Variants in GPR158 observed in about 807,000 individuals in gnomAD.
The protein encoded by GPR158 is G protein-coupled receptor 158.
Under a neutral mutation model 78.2 loss-of-function variants are expected in GPR158, and 30 were observed. The ratio of observed to expected loss-of-function variants is 0.38; its 90% CI spans 0.29 to 0.52. GPR158 has a LOEUF of 0.52. GPR158 is among the 20% of genes least tolerant of loss of function. GPR158 has a pLI of 0.83. For missense variants in GPR158, 1,463 were observed against 1,523.5 expected, an observed-to-expected ratio of 0.96 and a Z score of 0.66; for synonymous variants, 581 against 591.1, an observed-to-expected ratio of 0.98 and a Z score of 0.25.
At chr10:25,365,553 T>G (rs901683341) in intron 2 of GPR158, among the ~76,000 whole-genome samples, 2 of 151,686 alleles carry the variant, frequency 1.3e-5, no homozygotes, top group African/African-American at 4.8e-5. Context: ...TATAATCACT[T>G]TTAATATCCA....
chr10:25,208,558 TTGTGTGTGTGTGTGTGTGTG>T (rs71399956), intron 1 of GPR158, among the ~76,000 whole-genome samples: 18 of 135,248 alleles, frequency 1.3e-4, no homozygotes, highest in East Asian at 4.4e-4. Flanking sequence ...CTATGTGAAT[TTGTGTGTGTGTGTGTGTGTG>T]TGTGTGTGTG....
At position 25,528,333 on chromosome 10, in the gene GPR158, A is replaced by G. The variant is rs953073769; in HGVS notation, c.1405-22643A>G. On this transcript the variant is annotated intron_variant, in intron 5 of 10. Coordinates refer to ENST00000376351, the MANE Select transcript of GPR158 (RefSeq NM_020752.3). ...ATTAGAAAATTGGATCTATATATAT[A>G]TAGATATATAGAGAGAGATCCAAGC... 1.6e-4 allele frequency among the ~76,000 whole-genome samples: 24 copies of G among 152,114 alleles called. 1 individual carries two copies. The highest frequency in any genetic ancestry group is 3.4e-3 in the Middle Eastern group (1 of 294).
chr10:25,264,883 C>T lies in GPR158; in HGVS notation c.1008+43726C>T, dbSNP rs185487558. Among the ~76,000 whole-genome samples the T allele has an allele frequency of 7.6e-4, 116 of 152,164 alleles. 1 individual carries two copies. Among genetic ancestry groups the T allele is most frequent in the African/African-American group, 2.7e-3 (113 of 41,528 alleles). ...TCTTGAAAGTAGAATTGATACTCTG[C>T]GAACTATTTTTAATATTTCTAGAAG... On this transcript the variant is annotated intron_variant, in intron 2 of 10. Coordinates refer to ENST00000376351, the MANE Select transcript of GPR158 (RefSeq NM_020752.3).
chr10:25,329,202 C>T (rs959244003), intron 2 of GPR158, among the ~76,000 whole-genome samples: 3 of 151,724 alleles, frequency 2.0e-5, no homozygotes, highest in Non-Finnish European at 4.4e-5. Flanking sequence ...TTTGGGAGGC[C>T]GAGGCGGGCA....
chr10:25,423,130 T>TATATACGTATATACGTATATAC lies in GPR158; in HGVS notation c.1335+10663_1335+10664insGTATATACGTATATACATATAC, dbSNP rs1291624353. Among the ~76,000 whole-genome samples, 197 of 147,936 alleles carry TATATACGTATATACGTATATAC rather than the reference T, an allele frequency of 1.3e-3. 1 individual carries two copies. The highest frequency in any genetic ancestry group is 4.6e-3 in the African/African-American group (180 of 38,924). On this transcript the variant is annotated intron_variant, in intron 4 of 10. Transcript: ENST00000376351. ...GTCTACACATATATACATATATATG[T>TATATACGTATATACGTATATAC]ATATACATATACATATATATGTATA...
chr10:25,190,314 AT>A (rs1480339004), intron 1 of GPR158, among the ~76,000 whole-genome samples: 4 of 152,216 alleles, frequency 2.6e-5, no homozygotes, highest in Non-Finnish European at 5.9e-5. Context: ...TTGAAATGTT[AT>A]ATTACATAGA....
intron 2 of GPR158, among the ~76,000 whole-genome samples, chr10:25,302,824 T>G: frequency 6.6e-6 from 1 of 152,168 alleles, no homozygotes; most frequent in East Asian, 1.9e-4. Context: ...GCTAGCCAAA[T>G]GTGGTTATTG....
At chr10:25,269,222 G>A (rs1368059650) in intron 2 of GPR158, among the ~76,000 whole-genome samples, 12 of 152,126 alleles carry the variant, frequency 7.9e-5, no homozygotes, top group Admixed American at 5.2e-4. Context: ...GAAAATGGGA[G>A]AACATGAAGT....
At chr10:25,328,201 T>C (rs1855063866) in intron 2 of GPR158, among the ~76,000 whole-genome samples, 1 of 152,104 alleles carries the variant, frequency 6.6e-6, no homozygotes, top group Admixed American at 6.6e-5. Flanking sequence ...TAGATATACA[T>C]AGAAATACAT....
chr10:25,331,059 C>T (rs1391489793), intron 2 of GPR158, among the ~76,000 whole-genome samples: 2 of 152,108 alleles, frequency 1.3e-5, no homozygotes, highest in African/African-American at 2.4e-5. Context: ...GGCTCTGCCT[C>T]CTAAGTAGCT....
chr10:25,425,991 T>C (rs1282672632), intron 4 of GPR158, among the ~76,000 whole-genome samples: 1 of 152,144 alleles, frequency 6.6e-6, no homozygotes, highest in Non-Finnish European at 1.5e-5. Context: ...GTGCAATTGT[T>C]CTTTATGTTT....
intron 2 of GPR158, among the ~76,000 whole-genome samples, chr10:25,364,532 A>G (rs1244891880): frequency 6.6e-6 from 1 of 151,892 alleles, no homozygotes; most frequent in Non-Finnish European, 1.5e-5. Flanking sequence ...GGGTACTTAA[A>G]CATTTTTGAC....
intron 2 of GPR158, among the ~76,000 whole-genome samples, chr10:25,382,586 A>G (rs1461607946): frequency 6.6e-6 from 1 of 152,014 alleles, no homozygotes; most frequent in East Asian, 1.9e-4. Flanking sequence ...ATTATTTGTT[A>G]TTCATGGGTT....
intron 2 of GPR158, among the ~76,000 whole-genome samples, chr10:25,391,695 G>T (rs1320367677): frequency 6.6e-6 from 1 of 152,154 alleles, no homozygotes; most frequent in Admixed American, 6.5e-5. Context: ...TCCCAGATTA[G>T]ACATTGGACT....
At chr10:25,386,417 G>A (rs976986222) in intron 2 of GPR158, among the ~76,000 whole-genome samples, 14 of 152,104 alleles carry the variant, frequency 9.2e-5, no homozygotes, top group Admixed American at 2.0e-4. Context: ...TGATGATTTC[G>A]GGTGCTTGGG....
At chr10:25,370,025 A>G (rs952241478) in intron 2 of GPR158, among the ~76,000 whole-genome samples, 12 of 144,098 alleles carry the variant, frequency 8.3e-5, no homozygotes, top group African/African-American at 3.0e-4. Context: ...CCCCTTTATC[A>G]TTTTTTATTG....
chr10:25,461,804 C>T lies in GPR158; in HGVS notation c.1336-4847C>T, dbSNP rs914272816. Reference sequence around the variant, plus strand: ...CTGGAGTGCAGTGGTGTGATCTTGGCTCTTGCAACCTCCATCTCCCGGGTT... The same window carrying T: ...CTGGAGTGCAGTGGTGTGATCTTGGTTCTTGCAACCTCCATCTCCCGGGTT... On this transcript the variant is annotated intron_variant, in intron 4 of 10. Transcript: ENST00000376351. 2.0e-5 allele frequency among the ~76,000 whole-genome samples: 3 copies of T among 146,948 alleles called. No homozygotes were observed. The East Asian group carries it at 6.0e-4, about 30-fold the overall frequency.
At chr10:25,324,288 T>C (rs1382545346) in intron 2 of GPR158, among the ~76,000 whole-genome samples, 1 of 152,210 alleles carries the variant, frequency 6.6e-6, no homozygotes, top group African/African-American at 2.4e-5. Context: ...ATGAGAGACA[T>C]GCAACTATTC....
chr10:25,176,619 C>T lies in GPR158; in HGVS notation c.902+297C>T, dbSNP rs935896007. ...GCAGGACGGAGACACCCCCGCTGCT[C>T]TGTGCTTCCCTCCAATTGTCCGGAG... On this transcript the variant is annotated intron_variant, in intron 1 of 10. Transcript: ENST00000376351. This position sits in a 1 kb window ranked among gnomAD's most constrained non-coding sequence, Gnocchi z 6.3. Among the ~76,000 whole-genome samples, 4 of 152,230 alleles carry T rather than the reference C, an allele frequency of 2.6e-5. No homozygotes were observed. The highest frequency in any genetic ancestry group is 5.9e-5 in the Non-Finnish European group (4 of 68,048).
Sources: gnomAD v4.1 joint callset for allele counts (sites outside exome capture counted in the v4.1 genomes callset) on GRCh38, gnomAD v4.1.1 for gene constraint, Gnocchi (gnomAD v3.1) non-coding constraint, MANE v1.5 for transcripts, NCBI Gene and HGNC (gene_info 2026-07-23, HGNC 2026-07-21) for gene names.